Variants in CMIP observed in about 807,000 individuals in gnomAD.
CMIP encodes C-Maf-inducing protein.
Under a neutral mutation model 97.3 loss-of-function variants are expected in CMIP, and 13 were observed. That is an observed-to-expected ratio of 0.13 (90% CI 0.09 to 0.21). The LOEUF is 0.21. CMIP is among the 10% of genes least tolerant of loss of function. The pLI, the probability that CMIP is intolerant of heterozygous loss-of-function variation, is 1.00. For synonymous variants in CMIP, 538 were observed against 436.3 expected, an observed-to-expected ratio of 1.23 and a Z score of -2.91; for missense variants, 847 against 1,024.9, an observed-to-expected ratio of 0.83 and a Z score of 2.37.
chr16:81,525,277 G>A (rs571947502), intron 1 of CMIP, among the ~76,000 whole-genome samples: 30 of 151,974 alleles, frequency 2.0e-4, no homozygotes, highest in African/African-American at 7.0e-4. Context: ...CCAAGTAGCT[G>A]GGGTTACAGG....
intron 10 of CMIP, among the ~76,000 whole-genome samples, chr16:81,691,408 G>T (rs1323985541): frequency 1.3e-5 from 2 of 152,102 alleles, no homozygotes; most frequent in African/African-American, 4.8e-5. Context: ...GAAGTACTGG[G>T]GTGCAGAGCT....
chr16:81,581,390 C>T (rs1188825199), intron 1 of CMIP, among the ~76,000 whole-genome samples: 3 of 152,078 alleles, frequency 2.0e-5, no homozygotes, highest in Non-Finnish European at 2.9e-5. Context: ...CTGTGAGGTG[C>T]GGCTTATTGT....
intron 1 of CMIP, among the ~76,000 whole-genome samples, chr16:81,554,658 G>T (rs1401254381): frequency 6.6e-6 from 1 of 152,122 alleles, no homozygotes; most frequent in Non-Finnish European, 1.5e-5. Context: ...TTCATTCACC[G>T]CTGTCAGCAG....
intron 1 of CMIP, among the ~76,000 whole-genome samples, chr16:81,546,720 A>T (rs2090553009): frequency 6.6e-6 from 1 of 152,148 alleles, no homozygotes; most frequent in South Asian, 2.1e-4. Flanking sequence ...TCATTCATTC[A>T]TTCTCTTGTT....
intron 1 of CMIP, among the ~76,000 whole-genome samples, chr16:81,604,396 CAAAAAAAAAAA>C (rs886259734): frequency 3.4e-5 from 2 of 58,682 alleles, no homozygotes; most frequent in African/African-American, 1.2e-4. Flanking sequence ...AACTCTGTCT[CAAAAAAAAAAA>C]AAAAAAAAAG....
chr16:81,708,119 C>G (rs1054672924), intron 20 of CMIP, among the ~76,000 whole-genome samples: 6 of 152,246 alleles, frequency 3.9e-5, no homozygotes, highest in Non-Finnish European at 5.9e-5. Flanking sequence ...CAGGCACAGG[C>G]AAGCTCAGCA....
intron 2 of CMIP, among the ~76,000 whole-genome samples, chr16:81,609,031 A>G (rs2091788036): frequency 6.6e-6 from 1 of 152,182 alleles, no homozygotes; most frequent in Non-Finnish European, 1.5e-5. Context: ...ACAACTTAGC[A>G]TTGTTAGAAA....
intron 11 of CMIP, among the ~76,000 whole-genome samples, chr16:81,692,503 A>C (rs4888164): frequency 0.45 from 68,453 of 152,154 alleles, 15,984 homozygotes; most frequent in African/African-American, 0.54. Flanking sequence ...TGGAAGGAGC[A>C]AGCCTCGGGA....
chr16:81,707,176 A>G, intron 20 of CMIP, 92 bp downstream of exon 20: 2 of 1,024,642 alleles, frequency 2.0e-6, no homozygotes, highest in Non-Finnish European at 3.1e-6. Context: ...CTCGTTCTCC[A>G]GTAAAGGATG....
At chr16:81,650,937 G>C (rs1171193798) in intron 3 of CMIP, among the ~76,000 whole-genome samples, 1 of 152,192 alleles carries the variant, frequency 6.6e-6, no homozygotes, top group Admixed American at 6.5e-5. Context: ...ACTTGGCATG[G>C]AATGTGTCCC....
At chr16:81,521,004 C>T (rs1035774684) in intron 1 of CMIP, among the ~76,000 whole-genome samples, 4 of 152,198 alleles carry the variant, frequency 2.6e-5, no homozygotes, top group Admixed American at 1.3e-4. Context: ...GGACCCCCCG[C>T]CCCCTGGGCT....
At chr16:81,538,439 CTG>C (rs2090388095) in intron 1 of CMIP, among the ~76,000 whole-genome samples, 1 of 152,184 alleles carries the variant, frequency 6.6e-6, no homozygotes, top group South Asian at 2.1e-4. Context: ...AGTGAATGTG[CTG>C]TGGGTTAGCT....
chr16:81,477,257 G>C (rs568077343), intron 1 of CMIP, among the ~76,000 whole-genome samples: 7 of 152,242 alleles, frequency 4.6e-5, no homozygotes, highest in African/African-American at 1.7e-4. Context: ...CTGGGTTCAA[G>C]TAATTTCCTG....
intron 1 of CMIP, among the ~76,000 whole-genome samples, chr16:81,475,611 C>T (rs1349890039): frequency 6.6e-6 from 1 of 152,120 alleles, no homozygotes; most frequent in Non-Finnish European, 1.5e-5. Flanking sequence ...AGTGAGAGCA[C>T]AAAGATTCTA....
Position 81,632,272 on chromosome 16 carries a change from A to C in CMIP, c.477+11346A>C, listed in dbSNP as rs573696700. ...GGTGGTAGTCCTAAAAAGTATAGAA[A>C]GGTATAAAATGAAAAGTTGGCCTCT... On this transcript the variant is annotated intron_variant, in intron 3 of 20. Coordinates refer to ENST00000537098, the MANE Select transcript of CMIP (RefSeq NM_198390.3). Among the ~76,000 whole-genome samples the C allele has an allele frequency of 5.3e-5, 8 of 152,330 alleles. 1 individual carries two copies. The East Asian group carries it at 1.3e-3, about 26-fold the overall frequency.
chr16:81,654,489 T>G (rs1428959843), intron 4 of CMIP, among the ~76,000 whole-genome samples: 1 of 152,182 alleles, frequency 6.6e-6, no homozygotes, highest in South Asian at 2.1e-4. Context: ...TGGAAGAAGT[T>G]TCCATGTGCT....
At chr16:81,620,550 T>A (rs1484209882) in intron 2 of CMIP, 8 of 287,538 alleles carry the variant, frequency 2.8e-5, no homozygotes, top group Non-Finnish European at 4.7e-5. Flanking sequence ...AACCAGTTCA[T>A]CCCATTCCCT....
rs1161846120 is a variant in CMIP, at chr16:81,655,865, T to G, written c.640-1910T>G. On this transcript the variant is annotated intron_variant, in intron 4 of 20. Coordinates refer to ENST00000537098, the MANE Select transcript of CMIP (RefSeq NM_198390.3). This position sits in a 1 kb window ranked among gnomAD's most constrained non-coding sequence, Gnocchi z 4.9. ...GGCAGCTGATCAGTCAATGGGATAGTAGAGAACCTGTCATAATCAAAAGAA... is the reference window on the plus strand; with the variant it reads ...GGCAGCTGATCAGTCAATGGGATAGGAGAGAACCTGTCATAATCAAAAGAA... Among the ~76,000 whole-genome samples the G allele has an allele frequency of 6.6e-6, 1 of 152,112 alleles. No homozygotes were observed. The highest frequency in any genetic ancestry group is 2.1e-4 in the South Asian group (1 of 4,828).
intron 1 of CMIP, among the ~76,000 whole-genome samples, chr16:81,546,854 G>T (rs887990893): frequency 2.0e-5 from 3 of 152,198 alleles, no homozygotes; most frequent in African/African-American, 7.2e-5. Context: ...TAAAAATTCA[G>T]CTTGTGAGGC....
Sources: gnomAD v4.1 joint callset for allele counts (sites outside exome capture counted in the v4.1 genomes callset) on GRCh38, gnomAD v4.1.1 for gene constraint, Gnocchi (gnomAD v3.1) non-coding constraint, MANE v1.5 for transcripts, NCBI Gene and HGNC (gene_info 2026-07-23, HGNC 2026-07-21) for gene names.